COL5A2: variants seen among roughly 807,000 people sequenced by gnomAD.
The protein encoded by COL5A2 is collagen alpha-2(V) chain.
A neutral mutation model predicts 208.2 loss-of-function variants in COL5A2; 23 were observed. The ratio of observed to expected loss-of-function variants is 0.11; its 90% confidence interval spans 0.08 to 0.16. The LOEUF (loss-of-function observed/expected upper bound fraction) is 0.16, where lower values mean the gene tolerates loss of function less well. Among genes scored for constraint, COL5A2 ranks in the 10% least tolerant of loss-of-function variants. The probability of loss-of-function intolerance (pLI) is 1.00; values close to 1 mark genes in which losing one functional copy is unlikely to be tolerated. For synonymous variants in COL5A2, 625 were observed against 628.5 expected (o/e 0.99, Z 0.08); for missense variants, 1,590 against 1,956.4 (o/e 0.81, Z 3.53).
chr2:189,316,472 G>T, the COL5A2 span, among the ~76,000 whole-genome samples: 1 of 151,928 alleles, frequency 6.6e-6, no homozygotes, highest in Non-Finnish European at 1.5e-5. Context: ...GTTTACCTGT[G>T]TAACAAATCT....
intron 1 of COL5A2, among the ~76,000 whole-genome samples, chr2:189,139,182 G>A (rs1240118073): frequency 6.6e-6 from 1 of 152,180 alleles, no homozygotes; most frequent in South Asian, 2.1e-4. Flanking sequence ...GGCCGAGGCA[G>A]GAGAATCACT....
intron 1 of COL5A2, among the ~76,000 whole-genome samples, chr2:189,113,556 T>C (rs1394652110): frequency 1.3e-5 from 2 of 149,600 alleles, no homozygotes; most frequent in Non-Finnish European, 3.0e-5. Flanking sequence ...GTTTTATATA[T>C]ATAACATTGT....
chr2:189,106,046 G>T (rs1349877680), intron 2 of COL5A2, among the ~76,000 whole-genome samples: 1 of 151,228 alleles, frequency 6.6e-6, no homozygotes, highest in Non-Finnish European at 1.5e-5. Context: ...TTAAAATCTT[G>T]TAGGGCTAGT....
At chr2:189,133,652 T>A (rs907952145) in intron 1 of COL5A2, among the ~76,000 whole-genome samples, 1 of 152,050 alleles carries the variant, frequency 6.6e-6, no homozygotes, top group Non-Finnish European at 1.5e-5. Flanking sequence ...CAGGGAAAGA[T>A]TCCATGCAGC....
At chr2:189,262,371 G>GCA in the COL5A2 span, among the ~76,000 whole-genome samples, 824 of 150,206 alleles carry the variant, frequency 5.5e-3, 10 homozygotes, top group South Asian at 0.015. Flanking sequence ...ACACATACAT[G>GCA]CACACACACA....
the COL5A2 span, among the ~76,000 whole-genome samples, chr2:189,291,165 A>G: frequency 1.3e-5 from 2 of 152,140 alleles, no homozygotes; most frequent in Admixed American, 1.3e-4. Context: ...TTGATTCCAT[A>G]AATCTCAATA....
At chr2:189,047,831 C>A (rs1685701493) in intron 45 of COL5A2, among the ~76,000 whole-genome samples, 1 of 152,216 alleles carries the variant, frequency 6.6e-6, no homozygotes, top group African/African-American at 2.4e-5. Context: ...GGCTTATATT[C>A]TCATACGGCA....
the COL5A2 span, among the ~76,000 whole-genome samples, chr2:189,413,637 G>A: frequency 5.3e-5 from 8 of 151,980 alleles, no homozygotes; most frequent in Admixed American, 1.3e-4. Flanking sequence ...GGGAGGGGCC[G>A]GGTTCAGTAA....
chr2:189,049,214 A>C (rs1685731744), intron 44 of COL5A2, 133 bp downstream of exon 44: 4 of 715,968 alleles, frequency 5.6e-6, no homozygotes, highest in Non-Finnish European at 7.5e-6. Flanking sequence ...AGTAGAGTAC[A>C]TCAAATAACA....
the COL5A2 span, among the ~76,000 whole-genome samples, chr2:189,394,477 C>T: frequency 6.6e-6 from 1 of 152,152 alleles, no homozygotes. Flanking sequence ...AGAGGAGACA[C>T]GAGTGAGCCC....
chr2:189,062,874 C>T lies in COL5A2; in HGVS notation c.1968G>A (p.Val656=), dbSNP rs1206760254. 6.2e-7 allele frequency: 1 copy of T among 1,614,020 alleles called. No individual in the cohort carries two copies. The highest frequency in any genetic ancestry group is 8.5e-7 in the Non-Finnish European group (1 of 1,180,008). The change falls in exon 29 of 54, where the codon GTG becomes GTA. Residue 656 remains valine (V), a synonymous_variant. Transcript: ENST00000374866. ...KDGEVGPSGP[V]GPPGLAGERG... The stretch of plus-strand genomic sequence containing the variant: ...CACAAAAATCACATACCGGCGGGCC[C>T]ACAGGACCAGAAGGACCAACTTCAC...
the COL5A2 span, among the ~76,000 whole-genome samples, chr2:189,257,910 C>G: frequency 1.7e-4 from 26 of 152,168 alleles, no homozygotes; most frequent in African/African-American, 5.5e-4. Flanking sequence ...GTCAGGAGAT[C>G]GAGACTGTCC....
In COL5A2 at chr2:189,097,278, G is replaced by T; in HGVS notation, c.455C>A (p.Pro152His). ...CAAGGAGCCCTCCTGTCAACTTACA[G>T]GTCTTCCTTTTGGCCCTCGCTCTCC... ...PRGERGPKGR[P>H]GPRGPQGIDG... The change falls in exon 6 of 54, where the codon CCT becomes CAT. Residue 152 changes from proline to histidine, a missense_variant and splice_region_variant. Coordinates refer to ENST00000374866, the MANE Select transcript of COL5A2 (RefSeq NM_000393.5). 1 of 1,614,094 alleles carries T rather than the reference G, an allele frequency of 6.2e-7. No individual in the cohort carries two copies. The highest frequency in any genetic ancestry group is 8.5e-7 in the Non-Finnish European group (1 of 1,179,996).
chr2:189,199,712 C>A (rs936769619), intron 1 of COL5A2, among the ~76,000 whole-genome samples: 14 of 152,154 alleles, frequency 9.2e-5, no homozygotes, highest in African/African-American at 3.1e-4. Flanking sequence ...ATTATAAAAG[C>A]CTGTACAATT....
At chr2:189,180,465 A>G (rs1688763613), upstream of COL5A2, among the ~76,000 whole-genome samples, 1 of 152,170 alleles carries the variant, frequency 6.6e-6, no homozygotes, top group Admixed American at 6.5e-5. Context: ...ATGTTGAAAA[A>G]TAGTCTACTA....
At position 189,094,564 on chromosome 2, in the gene COL5A2, TTCTC is replaced by T. The variant is rs1292261102; in HGVS notation, c.457-2148_457-2145del. 1.7e-3 allele frequency among the ~76,000 whole-genome samples: 64 copies of T among 37,762 alleles called. 2 individuals are homozygous for T. The highest frequency in any genetic ancestry group is 4.1e-3 in the African/African-American group (58 of 14,254). The allele number at this position is 37,762 out of a possible 152,430, so 24.8% of individuals were successfully genotyped here. On this transcript the variant is annotated intron_variant, in intron 6 of 53. Transcript: ENST00000374866. ...TGTTAAAGAACTTCATTTCTCTCGTTTCTCTCTCTCTCTCTTTCTCTCTGACACA... is the reference window on the plus strand; with the variant it reads ...TGTTAAAGAACTTCATTTCTCTCGTTTCTCTCTCTCTTTCTCTCTGACACA...
the COL5A2 span, among the ~76,000 whole-genome samples, chr2:189,255,539 C>T: frequency 6.6e-6 from 1 of 152,102 alleles, no homozygotes; most frequent in Non-Finnish European, 1.5e-5. Context: ...ATTTATATTG[C>T]TCATGATAAA....
At chr2:189,406,215 T>C in the COL5A2 span, among the ~76,000 whole-genome samples, 1 of 152,212 alleles carries the variant, frequency 6.6e-6, no homozygotes, top group South Asian at 2.1e-4. Context: ...AGAATTTTAA[T>C]TTTAATCTCA....
chr2:189,134,063 C>A (rs894975531), intron 1 of COL5A2, among the ~76,000 whole-genome samples: 2 of 152,090 alleles, frequency 1.3e-5, no homozygotes, highest in African/African-American at 4.8e-5. Flanking sequence ...TGATTGATTT[C>A]TTTGGAATCA....
Sources: allele counts gnomAD v4.1 joint callset (sites outside exome capture counted in the v4.1 genomes callset), GRCh38; gene constraint gnomAD v4.1.1; transcripts MANE v1.5; gene names NCBI Gene and HGNC (gene_info 2026-07-23, HGNC 2026-07-21).